ERBB4: variants seen among roughly 807,000 people sequenced by gnomAD.
ERBB4 encodes erb-b2 receptor tyrosine kinase 4.
In ERBB4, 42 loss-of-function variants were observed where a neutral mutation model predicts 158.0. The ratio of observed to expected loss-of-function variants is 0.27; its 90% CI spans 0.21 to 0.34. The LOEUF (loss-of-function observed/expected upper bound fraction) is 0.34, where lower values mean the gene tolerates loss of function less well. Ranked by LOEUF, ERBB4 falls within the 10% of genes least tolerant of loss-of-function variation. The pLI is 1.00. For synonymous variants in ERBB4, 583 were observed against 558.7 expected, an observed-to-expected ratio of 1.04 and a Z score of -0.61; for missense variants, 1,333 against 1,624.1, an observed-to-expected ratio of 0.82 and a Z score of 3.08.
At chr2:212,232,040 G>A (rs1167855926) in intron 1 of ERBB4, among the ~76,000 whole-genome samples, 2 of 152,032 alleles carry the variant, frequency 1.3e-5, no homozygotes, top group Admixed American at 6.6e-5. Context: ...CGAATTTCCT[G>A]TATTATCTGT....
chr2:212,502,030 A>G (rs1690921203), intron 1 of ERBB4, among the ~76,000 whole-genome samples: 1 of 152,092 alleles, frequency 6.6e-6, no homozygotes, highest in Non-Finnish European at 1.5e-5. Context: ...AAAAACAAGT[A>G]GTATAAAAAT....
intron 1 of ERBB4, among the ~76,000 whole-genome samples, chr2:212,381,820 AT>A (rs1307354066): frequency 6.6e-6 from 1 of 151,364 alleles, no homozygotes; most frequent in Non-Finnish European, 1.5e-5. Flanking sequence ...AATTGTAATT[AT>A]TTTTTGATAT....
chr2:212,211,617 T>TAAAAAA (rs766982489), intron 1 of ERBB4, among the ~76,000 whole-genome samples: 4 of 95,104 alleles, frequency 4.2e-5, no homozygotes, highest in Non-Finnish European at 6.6e-5. Flanking sequence ...AAAATTTATC[T>TAAAAAA]AAAAAAAAAA....
At chr2:212,404,874 C>T (rs1321179412) in intron 1 of ERBB4, among the ~76,000 whole-genome samples, 1 of 152,066 alleles carries the variant, frequency 6.6e-6, no homozygotes, top group Non-Finnish European at 1.5e-5. Context: ...CATCATTTAG[C>T]TCCCACTTAT....
intron 5 of ERBB4, among the ~76,000 whole-genome samples, chr2:211,747,790 G>A (rs1355514733): frequency 6.6e-6 from 1 of 151,226 alleles, no homozygotes; most frequent in Non-Finnish European, 1.5e-5. Flanking sequence ...ATCTCAATCT[G>A]AGAATAAATA....
chr2:211,951,498 A>C (rs137985797), intron 2 of ERBB4, among the ~76,000 whole-genome samples: 22 of 152,294 alleles, frequency 1.4e-4, no homozygotes, highest in African/African-American at 5.3e-4. Context: ...TTTACTAGAA[A>C]AAGTAAAATA....
intron 4 of ERBB4, among the ~76,000 whole-genome samples, chr2:211,772,922 C>A (rs1376033251): frequency 0.023 from 925 of 40,080 alleles, 123 homozygotes; most frequent in African/African-American, 0.11. Context: ...CACACACACA[C>A]ACATATATAT....
rs2077085287 is a variant in ERBB4 at position 212,039,304 on chromosome 2, A to G, written c.234+85448T>C. Reference sequence around the variant, plus strand: ...ACTTTCTGCTCACTGCCTTTGAATCATAAAATTTTCTTTGAAGGGTTACTA... The same window carrying G: ...ACTTTCTGCTCACTGCCTTTGAATCGTAAAATTTTCTTTGAAGGGTTACTA... On this transcript the variant is annotated intron_variant, in intron 2 of 27. Transcript: ENST00000342788. Among the ~76,000 whole-genome samples the G allele has an allele frequency of 2.0e-5, 3 of 152,170 alleles. No individual in the cohort carries two copies. The South Asian group carries it at 6.2e-4, about 31-fold the overall frequency.
At chr2:211,433,039 G>A (rs2063776320) in intron 20 of ERBB4, among the ~76,000 whole-genome samples, 1 of 152,134 alleles carries the variant, frequency 6.6e-6, no homozygotes, top group African/African-American at 2.4e-5. Context: ...TCTCCCAATT[G>A]GACAGAGTGA....
At chr2:212,515,386 G>T (rs1014367213) in intron 1 of ERBB4, among the ~76,000 whole-genome samples, 21 of 151,918 alleles carry the variant, frequency 1.4e-4, no homozygotes, top group African/African-American at 4.8e-4. Context: ...AAAAAGGAAA[G>T]AAAATCTTTT....
chr2:212,466,732 G>A (rs112681219), intron 1 of ERBB4, among the ~76,000 whole-genome samples: 4,915 of 152,272 alleles, frequency 0.032, 137 homozygotes, highest in African/African-American at 0.076. Flanking sequence ...TACCAGTAGA[G>A]TGGGGCACTG....
chr2:211,737,058 T>C (rs1285648990), intron 5 of ERBB4, among the ~76,000 whole-genome samples: 3 of 152,182 alleles, frequency 2.0e-5, no homozygotes, highest in Non-Finnish European at 2.9e-5. Flanking sequence ...TGAAATTACA[T>C]ATGCAGTACC....
At chr2:212,525,871 C>T (rs1692419243) in intron 1 of ERBB4, among the ~76,000 whole-genome samples, 1 of 151,896 alleles carries the variant, frequency 6.6e-6, no homozygotes, top group Non-Finnish European at 1.5e-5. Flanking sequence ...ACAAAATTAT[C>T]ATAAAATAAT....
chr2:211,529,509 T>C (rs537812578), intron 20 of ERBB4, among the ~76,000 whole-genome samples: 3 of 152,194 alleles, frequency 2.0e-5, no homozygotes, highest in African/African-American at 7.2e-5. Flanking sequence ...ATGAGGCTAG[T>C]ATTACACTGA....
chr2:212,101,490 G>T (rs1281647719), intron 2 of ERBB4, among the ~76,000 whole-genome samples: 1 of 151,246 alleles, frequency 6.6e-6, no homozygotes, highest in Non-Finnish European at 1.5e-5. Flanking sequence ...TAATGTATTA[G>T]GTTATATGAA....
At chr2:212,139,240 G>C (rs1452616816) in intron 1 of ERBB4, among the ~76,000 whole-genome samples, 1 of 152,004 alleles carries the variant, frequency 6.6e-6, no homozygotes, top group Non-Finnish European at 1.5e-5. Flanking sequence ...GTAAGTATTA[G>C]AGATGAACTC....
In ERBB4 at chr2:211,767,220, A is replaced by G. The variant is rs933043992; in HGVS notation, c.557-16516T>C. Among the ~76,000 whole-genome samples, 14 of 152,120 alleles carry G rather than the reference A, an allele frequency of 9.2e-5. 1 individual carries two copies. Among genetic ancestry groups the G allele is most frequent in the African/African-American group, 3.4e-4 (14 of 41,424 alleles). On this transcript the variant is annotated intron_variant, in intron 4 of 27. Coordinates refer to ENST00000342788, the MANE Select transcript of ERBB4 (RefSeq NM_005235.3). ...TGTTCAAAACACCAAGAACCTGGTCACCCTCCACTGGTAACAGAACACTTA... is the reference window on the plus strand; with the variant it reads ...TGTTCAAAACACCAAGAACCTGGTCGCCCTCCACTGGTAACAGAACACTTA...
At chr2:212,098,824 T>C (rs1320400653) in intron 2 of ERBB4, among the ~76,000 whole-genome samples, 1 of 152,156 alleles carries the variant, frequency 6.6e-6, no homozygotes, top group Non-Finnish European at 1.5e-5. Context: ...TGGTATCCTA[T>C]AAATAGTTCA....
intron 25 of ERBB4, among the ~76,000 whole-genome samples, chr2:211,416,011 TTC>T (rs1491264189): frequency 1.3e-5 from 2 of 152,318 alleles, no homozygotes; most frequent in Non-Finnish European, 2.9e-5. Context: ...TAGCTACAAT[TTC>T]TCTGTCTTCC....
Sources: allele counts gnomAD v4.1 joint callset (sites outside exome capture counted in the v4.1 genomes callset), GRCh38; gene constraint gnomAD v4.1.1; transcripts MANE v1.5; gene names NCBI Gene and HGNC (gene_info 2026-07-23, HGNC 2026-07-21).